Variants in ABLIM3 observed in about 807,000 individuals in gnomAD.
ABLIM3 encodes actin-binding LIM protein 3.
In ABLIM3, 61 loss-of-function variants were observed where a neutral mutation model predicts 109.5. That is an observed-to-expected ratio of 0.56 (90% CI 0.45 to 0.69). The LOEUF (loss-of-function observed/expected upper bound fraction) is 0.69, where lower values mean the gene tolerates loss of function less well. Ranked by LOEUF, ABLIM3 falls within the 30% of genes least tolerant of loss-of-function variation. The pLI is 0.00. For synonymous variants in ABLIM3, 300 were observed against 324.8 expected, an observed-to-expected ratio of 0.92 and a Z score of 0.82; for missense variants, 796 against 889.5, an observed-to-expected ratio of 0.89 and a Z score of 1.34.
chr5:149,249,983 T>C, intron 19 of ABLIM3, 139 bp downstream of exon 19: 6 of 1,096,526 alleles, frequency 5.5e-6, no homozygotes, highest in Non-Finnish European at 8.2e-6. Flanking sequence ...GTCTACTCCA[T>C]TGTATTTGTC....
chr5:149,225,430 C>A (rs992298206), intron 8 of ABLIM3, among the ~76,000 whole-genome samples: 1 of 152,170 alleles, frequency 6.6e-6, no homozygotes, highest in Admixed American at 6.5e-5. Context: ...TTGTGACTGG[C>A]TTCTCACCCT....
At chr5:149,253,606 A>G (rs1462460890) in intron 23 of ABLIM3, among the ~76,000 whole-genome samples, 1 of 152,202 alleles carries the variant, frequency 6.6e-6, no homozygotes, top group African/African-American at 2.4e-5. Context: ...TTGCAGAAAA[A>G]GGAAGGATGT....
intron 2 of ABLIM3, among the ~76,000 whole-genome samples, chr5:149,163,039 G>A (rs1427998104): frequency 6.6e-6 from 1 of 152,264 alleles, no homozygotes; most frequent in African/African-American, 2.4e-5. Context: ...GACAGGCTGG[G>A]CAGGCCAACA....
At chr5:149,179,892 AT>A (rs1756310999) in intron 2 of ABLIM3, among the ~76,000 whole-genome samples, 1 of 152,244 alleles carries the variant, frequency 6.6e-6, no homozygotes, top group African/African-American at 2.4e-5. Context: ...TGTCTAGAAC[AT>A]GTCTATCATC....
intron 2 of ABLIM3, among the ~76,000 whole-genome samples, chr5:149,154,690 A>C (rs1388675442): frequency 6.6e-6 from 1 of 152,170 alleles, no homozygotes; most frequent in African/African-American, 2.4e-5. Context: ...GTCAGTGATT[A>C]TTTTGTTCAT....
intron 2 of ABLIM3, among the ~76,000 whole-genome samples, chr5:149,146,606 T>C (rs6895500): frequency 0.43 from 65,454 of 152,068 alleles, 15,019 homozygotes; most frequent in Admixed American, 0.61. Flanking sequence ...GTCAGCTTTG[T>C]CAAAGATCAG....
Position 149,243,053 on chromosome 5 carries a change from AGAG to A in ABLIM3, c.1351+519_1351+521del, listed in dbSNP as rs1212359533. ...CTCCTGAGAGTGGATGGAGACTTGC[AGAG>A]GAGATGTAGATGAGTAAGGTTGCAG... is the stretch of plus-strand genomic sequence containing the variant. On this transcript the variant is annotated intron_variant, in intron 15 of 23. Transcript: ENST00000309868. Among the ~76,000 whole-genome samples the A allele has an allele frequency of 2.6e-5, 4 of 152,314 alleles. No individual in the cohort carries two copies. The South Asian group carries it at 6.2e-4, about 24-fold the overall frequency.
At chr5:149,209,617 T>C (rs1759344196) in intron 6 of ABLIM3, among the ~76,000 whole-genome samples, 1 of 152,224 alleles carries the variant, frequency 6.6e-6, no homozygotes, top group African/African-American at 2.4e-5. Context: ...ACTCAAATCT[T>C]GTTGGCTCAT....
At chr5:149,204,230 C>T (rs1279663560) in intron 5 of ABLIM3, among the ~76,000 whole-genome samples, 1 of 152,198 alleles carries the variant, frequency 6.6e-6, no homozygotes. Flanking sequence ...CAGGTGGTAG[C>T]ATCATACATT....
intron 23 of ABLIM3, among the ~76,000 whole-genome samples, chr5:149,255,838 T>C (rs1217409708): frequency 6.6e-6 from 1 of 152,166 alleles, no homozygotes; most frequent in Non-Finnish European, 1.5e-5. Flanking sequence ...ATCACCATGA[T>C]AGTGAAAGTG....
chr5:149,226,011 TA>T (rs1761222890), intron 8 of ABLIM3, among the ~76,000 whole-genome samples: 1 of 134,010 alleles, frequency 7.5e-6, no homozygotes, highest in South Asian at 2.4e-4. Context: ...TATATATATA[TA>T]TATATATATA....
At chr5:149,200,256 G>A (rs1336382315) in intron 4 of ABLIM3, 60 bp from the exon 5 acceptor site, 5 of 1,449,096 alleles carry the variant, frequency 3.5e-6, no homozygotes, top group East Asian at 2.3e-5. Flanking sequence ...CACATGTGTG[G>A]TCAGCTACAG....
chr5:149,236,359 C>T (rs1248329990), intron 10 of ABLIM3, among the ~76,000 whole-genome samples: 1 of 152,068 alleles, frequency 6.6e-6, no homozygotes, highest in East Asian at 1.9e-4. Context: ...GTACTTGGCT[C>T]CTATGGCATT....
chr5:149,247,160 C>T (rs920504970), intron 17 of ABLIM3, among the ~76,000 whole-genome samples: 1 of 152,152 alleles, frequency 6.6e-6, no homozygotes, highest in Non-Finnish European at 1.5e-5. Flanking sequence ...TGTGGATGAA[C>T]CTTGAAAACA....
intron 2 of ABLIM3, among the ~76,000 whole-genome samples, chr5:149,155,708 G>C (rs1753814802): frequency 6.6e-6 from 1 of 152,170 alleles, no homozygotes; most frequent in African/African-American, 2.4e-5. Context: ...CTGGGTACTG[G>C]GATGGAGACC....
intron 23 of ABLIM3, among the ~76,000 whole-genome samples, chr5:149,255,927 A>G (rs1230670646): frequency 6.6e-6 from 1 of 152,222 alleles, no homozygotes; most frequent in Non-Finnish European, 1.5e-5. Flanking sequence ...CATGGTATTC[A>G]TGGTGGAGAC....
At chr5:149,232,120 A>G (rs1335331549) in intron 9 of ABLIM3, among the ~76,000 whole-genome samples, 1 of 152,208 alleles carries the variant, frequency 6.6e-6, no homozygotes, top group African/African-American at 2.4e-5. Flanking sequence ...AGGCTGGCCA[A>G]CATGGCGAAA....
intron 8 of ABLIM3, among the ~76,000 whole-genome samples, chr5:149,227,228 C>T (rs1423674194): frequency 5.3e-5 from 8 of 152,254 alleles, no homozygotes; most frequent in Non-Finnish European, 8.8e-5. Flanking sequence ...ACTCTGCTAA[C>T]GATTAAAAAT....
intron 8 of ABLIM3, among the ~76,000 whole-genome samples, chr5:149,229,473 A>G (rs1761628800): frequency 6.6e-6 from 1 of 152,206 alleles, no homozygotes; most frequent in African/African-American, 2.4e-5. Flanking sequence ...GGCTGAGCAG[A>G]GACAAAAAAC....
Sources: allele counts gnomAD v4.1 joint callset (sites outside exome capture counted in the v4.1 genomes callset), GRCh38; gene constraint gnomAD v4.1.1; transcripts MANE v1.5; gene names NCBI Gene and HGNC (gene_info 2026-07-23, HGNC 2026-07-21).